MED27: variants seen among roughly 807,000 people sequenced by gnomAD.
MED27 encodes the protein mediator of RNA polymerase II transcription subunit 27.
MED27 carries 30 observed loss-of-function variants against 38.2 expected under a neutral mutation model. The ratio of observed to expected loss-of-function variants is 0.79; its 90% CI spans 0.59 to 1.07. The LOEUF is 1.07. MED27 is among the 50% of genes least tolerant of loss of function. The pLI is 0.00. For missense variants in MED27, 289 were observed against 397.5 expected (o/e 0.73, Z 2.32); for synonymous variants, 122 against 153.5 (o/e 0.79, Z 1.52).
chr9:132,034,278 G>C (rs1021661219), intron 2 of MED27, among the ~76,000 whole-genome samples: 1 of 152,134 alleles, frequency 6.6e-6, no homozygotes, highest in Non-Finnish European at 1.5e-5. Context: ...TTAGATTCAA[G>C]GGAGCAAAGA....
intron 3 of MED27, among the ~76,000 whole-genome samples, chr9:131,945,827 G>T (rs1652253126): frequency 6.6e-6 from 1 of 151,274 alleles, no homozygotes; most frequent in South Asian, 2.1e-4. Flanking sequence ...AGTTAGCCGG[G>T]TGTGGTGGTA....
intron 4 of MED27, among the ~76,000 whole-genome samples, chr9:131,920,720 G>GCTCTTC (rs762652034): frequency 1.7e-4 from 26 of 152,284 alleles, no homozygotes; most frequent in African/African-American, 4.3e-4. Flanking sequence ...TGAAGACTAG[G>GCTCTTC]AGGAATGGGG....
rs568296742 is a variant in MED27, at chr9:131,871,716, G to A, written c.724-8576C>T. ...AGACACACACCCCCACGCCTGGCTA[G>A]TTTTTTAATTTTTAGTAAAGACGAG... On this transcript the variant is annotated intron_variant, in intron 6 of 7. Transcript: ENST00000292035. Among the ~76,000 whole-genome samples the A allele has an allele frequency of 2.0e-5, 3 of 152,198 alleles. No homozygotes were observed. In the East Asian group the frequency reaches 5.8e-4, roughly 29 times the overall value.
At chr9:131,885,259 T>G (rs1839118392) in intron 5 of MED27, among the ~76,000 whole-genome samples, 1 of 152,194 alleles carries the variant, frequency 6.6e-6, no homozygotes. Flanking sequence ...GGGGAAACAA[T>G]AGCTCAGAGC....
intron 4 of MED27, among the ~76,000 whole-genome samples, chr9:131,897,102 C>T (rs916361403): frequency 5.9e-5 from 9 of 152,262 alleles, no homozygotes; most frequent in Admixed American, 4.6e-4. Context: ...ATAGTCTTCA[C>T]AATCAGTGTT....
chr9:132,071,265 G>A (rs1470719676), intron 2 of MED27, among the ~76,000 whole-genome samples: 8 of 151,794 alleles, frequency 5.3e-5, no homozygotes, highest in Non-Finnish European at 7.4e-5. Context: ...TGGAGCCTAC[G>A]CTCTGAACCA....
intron 3 of MED27, among the ~76,000 whole-genome samples, chr9:131,998,911 CAA>C (rs113489590): frequency 7.3e-6 from 1 of 137,792 alleles, no homozygotes. Context: ...CCAAGTCCAC[CAA>C]AAAAAAAAAA....
chr9:131,939,088 A>G (rs1234624111), intron 4 of MED27, among the ~76,000 whole-genome samples: 1 of 152,170 alleles, frequency 6.6e-6, no homozygotes, highest in Non-Finnish European at 1.5e-5. Context: ...AAAATAGAAA[A>G]CAGATTCGCC....
rs1357359163 is a variant in MED27 at position 131,913,931 on chromosome 9, T to C, written c.574-19939A>G. Among the ~76,000 whole-genome samples, 1 of 142,794 alleles carries C rather than the reference T, an allele frequency of 7.0e-6. No homozygotes were observed. Among genetic ancestry groups the C allele is most frequent in the Non-Finnish European group, 1.5e-5 (1 of 64,894 alleles). The allele number at this position is 142,794 out of a possible 152,430, so 93.7% of individuals were successfully genotyped here. A position where few individuals can be genotyped will look rare whatever the true frequency, so the allele number is the denominator to read the frequency against. ...AAACTTTAATTCCTCTAGCGCTTGC[T>C]TGTACCGCTTGTCTTCATTCATTCA... On this transcript the variant is annotated intron_variant, in intron 4 of 7. Transcript: ENST00000292035. This position sits in a 1 kb window ranked among gnomAD's most constrained non-coding sequence, Gnocchi z 4.5.
At position 131,861,981 on chromosome 9, in the gene MED27, A is replaced by G. The variant is rs1220360073; in HGVS notation, c.801+1082T>C. 6.6e-6 allele frequency among the ~76,000 whole-genome samples: 1 copy of G among 152,166 alleles called. No individual in the cohort carries two copies. Among genetic ancestry groups the G allele is most frequent in the Non-Finnish European group, 1.5e-5 (1 of 68,032 alleles). On this transcript the variant is annotated intron_variant, in intron 7 of 7. Transcript: ENST00000292035. This position sits in a 1 kb window ranked among gnomAD's most constrained non-coding sequence, Gnocchi z 4.4. ...GGGAAAGGGGGCATTACAACGTGTTAGGCTCAAAAGCAAGTCTTTATATCT... is the reference window on the plus strand; with the variant it reads ...GGGAAAGGGGGCATTACAACGTGTTGGGCTCAAAAGCAAGTCTTTATATCT...
intron 3 of MED27, among the ~76,000 whole-genome samples, chr9:131,998,697 A>C (rs554486077): frequency 3.3e-5 from 5 of 152,338 alleles, no homozygotes; most frequent in Admixed American, 3.3e-4. Context: ...AAAAGTATTA[A>C]TAAGGAAAAA....
chr9:131,863,630 C>T lies in MED27; in HGVS notation c.724-490G>A, dbSNP rs951322511. ...CATTCTGTCACCATTTGTAGCCACA[C>T]AGGATTTATGATGGGGAGCCTGGCA... On this transcript the variant is annotated intron_variant, in intron 6 of 7. Transcript: ENST00000292035. Among the ~76,000 whole-genome samples the T allele has an allele frequency of 1.1e-4, 16 of 146,302 alleles. No individual in the cohort carries two copies. The East Asian group carries it at 1.3e-3, about 12-fold the overall frequency.
intron 3 of MED27, among the ~76,000 whole-genome samples, chr9:132,004,107 C>T (rs758033124): frequency 4.6e-5 from 7 of 152,202 alleles, no homozygotes; most frequent in Admixed American, 2.6e-4. Flanking sequence ...CCCCCCGGGA[C>T]GCAGCAGGGG....
intron 6 of MED27, 114 bp from the exon 7 acceptor site, chr9:131,863,254 A>C (rs1203408697): frequency 3.8e-6 from 3 of 795,126 alleles, no homozygotes; most frequent in Admixed American, 4.8e-5. Flanking sequence ...CTCGTGGAGG[A>C]AAGGGCATCT....
chr9:131,920,676 A>C (rs1830373345), intron 4 of MED27, among the ~76,000 whole-genome samples: 1 of 152,198 alleles, frequency 6.6e-6, no homozygotes, highest in South Asian at 2.1e-4. Context: ...AGTCAGTTGC[A>C]CTTGGTGGTA....
chr9:131,996,443 C>T (rs966272655), intron 3 of MED27, among the ~76,000 whole-genome samples: 2 of 152,074 alleles, frequency 1.3e-5, no homozygotes, highest in Admixed American at 6.6e-5. Context: ...AGAGAGAGAA[C>T]GAGACTAACT....
chr9:131,885,061 G>C (rs1232808887), intron 5 of MED27, among the ~76,000 whole-genome samples: 1 of 152,222 alleles, frequency 6.6e-6, no homozygotes, highest in Non-Finnish European at 1.5e-5. Context: ...TGCCTCTCCA[G>C]GTCCAGAAAT....
intron 3 of MED27, among the ~76,000 whole-genome samples, chr9:131,976,052 C>A (rs931790868): frequency 6.6e-6 from 1 of 152,126 alleles, no homozygotes; most frequent in Non-Finnish European, 1.5e-5. Context: ...AGGCAGTTTT[C>A]CACGAAGGGC....
intron 4 of MED27, among the ~76,000 whole-genome samples, chr9:131,902,752 T>C (rs1280953705): frequency 6.6e-6 from 1 of 152,182 alleles, no homozygotes; most frequent in East Asian, 1.9e-4. Flanking sequence ...TACAAAGTTG[T>C]TATAGCCCTA....
Sources: allele counts gnomAD v4.1 joint callset (sites outside exome capture counted in the v4.1 genomes callset), GRCh38; gene constraint gnomAD v4.1.1; non-coding constraint Gnocchi (gnomAD v3.1); transcripts MANE v1.5; gene names NCBI Gene and HGNC (gene_info 2026-07-23, HGNC 2026-07-21).